The following NOC2L variants were observed in gnomAD, a reference collection of about 807,000 sequenced individuals.
NOC2L encodes the protein nucleolar complex protein 2 homolog.
A neutral mutation model predicts 94.2 loss-of-function variants in NOC2L; 101 were observed. The observed-to-expected ratio is 1.07, with a 90% CI of 0.91 to 1.26. NOC2L has a LOEUF of 1.26. Ranked by LOEUF, NOC2L falls within the 50% of genes most tolerant of loss-of-function variation. The pLI, the probability that NOC2L is intolerant of heterozygous loss-of-function variation, is 0.00. For missense variants in NOC2L, 1,076 were observed against 980.1 expected (o/e 1.10, Z -1.31); for synonymous variants, 531 against 413.4 (o/e 1.28, Z -3.45).
At chr1:954,142 C>G (rs772478515) in intron 6 of NOC2L, 60 bp from the exon 7 acceptor site, 1 of 1,544,942 alleles carries the variant, frequency 6.5e-7, no homozygotes, top group Admixed American at 1.7e-5. Flanking sequence ...CGAGGCTGCT[C>G]AGCATGTTGG....
intron 16 of NOC2L, 134 bp downstream of exon 16, chr1:946,039 G>T: frequency 1.5e-6 from 1 of 687,890 alleles, no homozygotes; most frequent in South Asian, 1.8e-5. Flanking sequence ...CCCTCTCCAA[G>T]TCGAATCATC....
rs988214710 is a variant in NOC2L at position 944,522 on chromosome 1, CCAGCT to C, written c.*167_*171del. 2.9e-5 allele frequency: 18 copies of C among 627,200 alleles called. No individual in the cohort carries two copies. The highest frequency in any genetic ancestry group is 4.0e-5 in the Non-Finnish European group (15 of 372,242). The allele number at this position is 627,200 out of a possible 1,614,324, so 38.9% of individuals were successfully genotyped here. A position where few individuals can be genotyped will look rare whatever the true frequency, so the allele number is the denominator to read the frequency against. ...AGCAGCCACACCAGCCCAGCCCAGCCCAGCTCTCGATACGTTTGGTCTTTCATGCT... is the reference window on the plus strand; with the variant it reads ...AGCAGCCACACCAGCCCAGCCCAGCCCTCGATACGTTTGGTCTTTCATGCT... On this transcript the variant is annotated 3_prime_UTR_variant, in exon 19 of 19. Coordinates refer to ENST00000327044, the MANE Select transcript of NOC2L (RefSeq NM_015658.4).
At chr1:945,474 C>T (rs1214164780) in intron 17 of NOC2L, 44 bp downstream of exon 17, 5 of 1,608,502 alleles carry the variant, frequency 3.1e-6, no homozygotes, top group Admixed American at 1.7e-5. Flanking sequence ...CCAGCAGAGC[C>T]CTCCAGGCCC....
rs41285804 is a variant in NOC2L, at chr1:957,091, G to A, written c.354+8C>T. The A allele has an allele frequency of 0.016, 25,867 of 1,613,974 alleles. 441 individuals carry two copies. Among genetic ancestry groups the A allele is most frequent in the African/African-American group, 0.084 (6,267 of 75,042 alleles). ...GTGCCCCCCTTCTGGTTTGGCCCAC[G>A]CCCTCACCTCCAGCACATCTGGCAG... On this transcript the variant is annotated splice_region_variant and intron_variant, in intron 3 of 18. Transcript: ENST00000327044.
Position 957,253 on chromosome 1 carries a change from G to A in NOC2L, c.200C>T (p.Ser67Phe). The A allele has an allele frequency of 1.2e-6, 2 of 1,613,796 alleles. No homozygotes were observed. Among genetic ancestry groups the A allele is most frequent in the Non-Finnish European group, 1.7e-6 (2 of 1,180,022 alleles). ...CCGAGAGAGCTGGTCTTTGTGCTCA[G>A]AGGCACGGCCTTTACGCCGGCTGAG... ...PSASRRKGRASEHKDQLSRLK... is the reference protein window; with the variant it reads ...PSASRRKGRAFEHKDQLSRLK... Residue 67 changes from serine (S) to phenylalanine (F), a missense_variant, in exon 3 of 19, where the codon TCT (serine) becomes TTT (phenylalanine). Ser to Phe is a radical substitution (Grantham distance 155). This residue lies in a region of NOC2L where 457 missense variants were observed against 386.0 expected (regional missense o/e 1.18). Coordinates refer to ENST00000327044, the MANE Select transcript of NOC2L (RefSeq NM_015658.4).
Position 951,112 on chromosome 1 carries a change from C to G in NOC2L, c.1443+15G>C, listed in dbSNP as rs114938545. The G allele has an allele frequency of 1.3e-6, 2 of 1,554,088 alleles. No homozygotes were observed. Among genetic ancestry groups the G allele is most frequent in the South Asian group, 1.2e-5 (1 of 84,692 alleles). On this transcript the variant is annotated intron_variant, in intron 12 of 18. Transcript: ENST00000327044. ...GCAGGCAGAGGTGCCACACGCCCACCACAGCCTCACTCACCTCCAGGATGA... is the reference window on the plus strand; with the variant it reads ...GCAGGCAGAGGTGCCACACGCCCACGACAGCCTCACTCACCTCCAGGATGA...
chr1:956,011 A>G lies in NOC2L; in HGVS notation c.610T>C (p.Phe204Leu). The G allele has an allele frequency of 6.2e-7, 1 of 1,614,060 alleles. No individual in the cohort carries two copies. The highest frequency in any genetic ancestry group is 1.1e-5 in the South Asian group (1 of 91,070). ...ATGCAGAAGGTAACCAGAGCATTGA[A>G]TGCTGCAACGAAAAGGCCTGGATGT... ...NKFQVTDSAA[F>L]NALVTFCIRD... Residue 204 changes from phenylalanine to leucine, a missense_variant and splice_region_variant, in exon 6 of 19, where the codon TTC (phenylalanine) becomes CTC (leucine). This residue lies in a region of NOC2L where 457 missense variants were observed against 386.0 expected (regional missense o/e 1.18). Transcript: ENST00000327044.
In NOC2L at chr1:945,301, ACAGGCCTGGGGACAGAGTTACCAATCC is replaced by A. The variant is rs1208082812; in HGVS notation, c.2054-182_2054-156del. ...AGCCCTGGGGAGGAACTGGGAGGTC[ACAGGCCTGGGGACAGAGTTACCAATCC>A]CAGTAGGCCTTCACTTCAAGGAGGG... On this transcript the variant is annotated intron_variant, in intron 17 of 18. Transcript: ENST00000327044. 9 of 1,058,446 alleles carry A rather than the reference ACAGGCCTGGGGACAGAGTTACCAATCC, an allele frequency of 8.5e-6. No individual in the cohort carries two copies. The African/African-American group carries it at 1.4e-4, about 17-fold the overall frequency. 65.6% of individuals were successfully genotyped at this position (1,058,446 alleles called of 1,614,324 possible).
At chr1:956,324 G>A (rs1569954314) in intron 4 of NOC2L, 109 bp from the exon 5 acceptor site, 5 of 1,316,332 alleles carry the variant, frequency 3.8e-6, no homozygotes, top group South Asian at 2.5e-5. Flanking sequence ...TCAGACATAG[G>A]GCAGAGGTTG....
Position 959,052 on chromosome 1 carries a change from A to C in NOC2L, c.56T>G (p.Phe19Cys), listed in dbSNP as rs772794670. The C allele has an allele frequency of 5.0e-6, 8 of 1,610,714 alleles. No homozygotes were observed. The highest frequency in any genetic ancestry group is 5.9e-6 in the Non-Finnish European group (7 of 1,178,580). Residue 19 changes from phenylalanine to cysteine, a missense_variant, in exon 2 of 19, where the codon TTC becomes TGC. Phe to Cys is a radical substitution (Grantham distance 205). Coordinates refer to ENST00000327044, the MANE Select transcript of NOC2L (RefSeq NM_015658.4). Reference protein sequence around the residue: ...RRLAELTVDEFLASGFDSESE... With the variant: ...RRLAELTVDECLASGFDSESE... Reference sequence around the variant, plus strand: ...CTCGGAGTCAAAGCCCGAAGCTAGGAACTCGTCCACCGTCAGCTCCGCCAG... The same window carrying C: ...CTCGGAGTCAAAGCCCGAAGCTAGGCACTCGTCCACCGTCAGCTCCGCCAG...
intron 9 of NOC2L, 130 bp downstream of exon 9, chr1:953,045 G>A (rs939479902): frequency 4.5e-6 from 3 of 667,020 alleles, no homozygotes; most frequent in Non-Finnish European, 8.1e-6. Context: ...TGATCCAAGG[G>A]CCCAGGTCTG....
chr1:958,766 G>A (rs746404422), intron 2 of NOC2L, 163 bp downstream of exon 2: 15 of 766,970 alleles, frequency 2.0e-5, no homozygotes, highest in Admixed American at 1.4e-4. Flanking sequence ...CGGAACAGGA[G>A]CTCAGTAAAC....
chr1:944,591 T>C lies in NOC2L; in HGVS notation c.*103A>G. On this transcript the variant is annotated 3_prime_UTR_variant, in exon 19 of 19. Coordinates refer to ENST00000327044, the MANE Select transcript of NOC2L (RefSeq NM_015658.4). ...TAAAGCCTGTCCCGTGTCTACTGCCTCCCCCAACTGCACAGACGCCAGCCT... is the reference window on the plus strand; with the variant it reads ...TAAAGCCTGTCCCGTGTCTACTGCCCCCCCCAACTGCACAGACGCCAGCCT... 1.0e-5 allele frequency: 7 copies of C among 697,018 alleles called. No individual in the cohort carries two copies. The highest frequency in any genetic ancestry group is 1.4e-5 in the Non-Finnish European group (6 of 415,238). The allele number at this position is 697,018 out of a possible 1,614,324, so 43.2% of individuals were successfully genotyped here.
At position 948,302 on chromosome 1, in the gene NOC2L, T is replaced by TC. The variant is rs1474032394; in HGVS notation, c.1558-71dup. 5.3e-6 allele frequency: 7 copies of TC among 1,312,922 alleles called. No individual in the cohort carries two copies. The African/African-American group carries it at 1.0e-4, about 19-fold the overall frequency. The allele number at this position is 1,312,922 out of a possible 1,614,324, so 81.3% of individuals were successfully genotyped here. A position where few individuals can be genotyped will look rare whatever the true frequency, so the allele number is the denominator to read the frequency against. On this transcript the variant is annotated intron_variant, in intron 13 of 18. Coordinates refer to ENST00000327044, the MANE Select transcript of NOC2L (RefSeq NM_015658.4). ...GGCTGGGCACTCAGGCCCCTTCCCC[T>TC]CAGGCTGTCAGGGCAGCGCCATCTC...
Position 956,219 on chromosome 1 carries a change from A to G in NOC2L, c.487-4T>C, listed in dbSNP as rs1392906080. The G allele has an allele frequency of 6.2e-7, 1 of 1,613,190 alleles. No individual in the cohort carries two copies. Among genetic ancestry groups the G allele is most frequent in the South Asian group, 1.1e-5 (1 of 91,076 alleles). On this transcript the variant is annotated splice_region_variant and splice_polypyrimidine_tract_variant and intron_variant, in intron 4 of 18. Transcript: ENST00000327044. ...ACAGCTTTGGAGTGAGGCGTTGCTG[A>G]AGGAGCAAGAGTACCAGGGGCGTCA...
intron 17 of NOC2L, 84 bp from the exon 18 acceptor site, chr1:945,230 G>A (rs759969794): frequency 2.0e-6 from 3 of 1,486,226 alleles, no homozygotes; most frequent in Non-Finnish European, 2.7e-6. Flanking sequence ...AGGGTGGCCA[G>A]GCTCCCAACA....
At position 945,155 on chromosome 1, in the gene NOC2L, CAAG is replaced by C. The variant is rs1467594278; in HGVS notation, c.2054-12_2054-10del. 6.3e-7 allele frequency: 1 copy of C among 1,592,918 alleles called. No homozygotes were observed. Among genetic ancestry groups the C allele is most frequent in the Non-Finnish European group, 8.6e-7 (1 of 1,169,388 alleles). ...CAGGGGCCTCAGTATCCCTGAGGAA[CAAG>C]AAGCAGAGTCCATATGACTCCCACC... On this transcript the variant is annotated splice_polypyrimidine_tract_variant and intron_variant, in intron 17 of 18. Coordinates refer to ENST00000327044, the MANE Select transcript of NOC2L (RefSeq NM_015658.4).
chr1:959,146 G>C lies in NOC2L; in HGVS notation c.27-65C>G, dbSNP rs1054269038. The C allele has an allele frequency of 9.9e-6, 16 of 1,611,876 alleles. No homozygotes were observed. In the African/African-American group the frequency reaches 2.1e-4, roughly 22 times the overall value. ...GCTCGCCCCAGCCCCGCTGAGAGGA[G>C]CAAGAAAAGCCCCCTTGGATACAGA... On this transcript the variant is annotated intron_variant, in intron 1 of 18. Coordinates refer to ENST00000327044, the MANE Select transcript of NOC2L (RefSeq NM_015658.4).
rs1275487436 is a variant in NOC2L, at chr1:959,090, C to G, written c.27-9G>C. On this transcript the variant is annotated splice_polypyrimidine_tract_variant and intron_variant, in intron 1 of 18. Transcript: ENST00000327044. Reference sequence around the variant, plus strand: ...TCAGCTCCGCCAGGCGCCTGCGGGTCACGCAGGAGTCACAGCTGCCCGCAC... The same window carrying G: ...TCAGCTCCGCCAGGCGCCTGCGGGTGACGCAGGAGTCACAGCTGCCCGCAC... 6.8e-6 allele frequency: 11 copies of G among 1,608,800 alleles called. No homozygotes were observed. The highest frequency in any genetic ancestry group is 2.2e-5 in the East Asian group (1 of 44,816).
Sources: allele counts gnomAD v4.1 joint callset, GRCh38; gene constraint gnomAD v4.1.1; regional missense constraint gnomAD v4.1.1; transcripts MANE v1.5; gene names NCBI Gene and HGNC (gene_info 2026-07-23, HGNC 2026-07-21).